Variants in BTD observed in about 807,000 individuals in gnomAD.
BTD encodes biotinidase.
In BTD, 13 loss-of-function variants were observed where a neutral mutation model predicts 17.7. The ratio of observed to expected loss-of-function variants is 0.74; its 90% CI spans 0.48 to 1.17. The LOEUF (loss-of-function observed/expected upper bound fraction) is 1.17, where lower values mean the gene tolerates loss of function less well. Among genes scored for constraint, BTD ranks in the 50% most tolerant of loss-of-function variants. BTD has a pLI of 0.00. For missense variants in BTD, 674 were observed against 650.4 expected, an observed-to-expected ratio of 1.04 and a Z score of -0.39; for synonymous variants, 240 against 245.2, an observed-to-expected ratio of 0.98 and a Z score of 0.20.
At chr3:15,626,006 A>G (rs1433767301) in intron 1 of BTD, among the ~76,000 whole-genome samples, 2 of 152,028 alleles carry the variant, frequency 1.3e-5, no homozygotes, top group Non-Finnish European at 2.9e-5. Flanking sequence ...TAATTTGTCA[A>G]TCTGTTTCTT....
intron 1 of BTD, among the ~76,000 whole-genome samples, chr3:15,618,374 G>A (rs4478067): frequency 0.043 from 6,562 of 152,200 alleles, 404 homozygotes; most frequent in African/African-American, 0.14. Flanking sequence ...ACATCTTAAC[G>A]ATATTGAGTC....
intron 3 of BTD, chr3:15,677,141 T>C: frequency 9.3e-7 from 1 of 1,078,724 alleles, no homozygotes; most frequent in Non-Finnish European, 1.4e-6. Context: ...TCCTAGTCCA[T>C]ATATTATGTA....
chr3:15,658,097 G>A (rs970963304), downstream of BTD, among the ~76,000 whole-genome samples: 1 of 151,784 alleles, frequency 6.6e-6, no homozygotes, highest in Admixed American at 6.6e-5. Context: ...GAACCGGGGA[G>A]GTGGAGGTTG....
At chr3:15,654,777 C>G (rs1196145276), downstream of BTD, among the ~76,000 whole-genome samples, 1 of 151,362 alleles carries the variant, frequency 6.6e-6, no homozygotes, top group Non-Finnish European at 1.5e-5. Flanking sequence ...ACTTGTTGCC[C>G]AAGCTGGAGT....
chr3:15,698,993 C>T (rs1184195973), intron 3 of BTD, among the ~76,000 whole-genome samples: 1 of 152,170 alleles, frequency 6.6e-6, no homozygotes, highest in African/African-American at 2.4e-5. Context: ...TCAAACTACA[C>T]TACAAGGCTA....
chr3:15,699,738 G>T (rs529410866), intron 3 of BTD, among the ~76,000 whole-genome samples: 1 of 152,332 alleles, frequency 6.6e-6, no homozygotes, highest in South Asian at 2.1e-4. Context: ...GGAAACAACA[G>T]ATGCTGGAGA....
chr3:15,681,214 T>C (rs1401991370), intron 3 of BTD, among the ~76,000 whole-genome samples: 1 of 152,212 alleles, frequency 6.6e-6, no homozygotes, highest in African/African-American at 2.4e-5. Context: ...TAATTCAATG[T>C]AAATGCTATA....
chr3:15,695,093 C>G (rs757155029), intron 3 of BTD: 245 of 1,032,728 alleles, frequency 2.4e-4, no homozygotes, highest in Non-Finnish European at 3.3e-4. Flanking sequence ...TATGTAAAAA[C>G]ACTTTCAGCT....
chr3:15,657,250 A>G (rs1279742312), downstream of BTD, among the ~76,000 whole-genome samples: 2 of 152,214 alleles, frequency 1.3e-5, no homozygotes, highest in Non-Finnish European at 2.9e-5. Flanking sequence ...TTCTAGATTC[A>G]AGGAGAGGAA....
At chr3:15,609,881 TA>T (rs1301831116) in intron 1 of BTD, among the ~76,000 whole-genome samples, 1 of 152,058 alleles carries the variant, frequency 6.6e-6, no homozygotes, top group Non-Finnish European at 1.5e-5. Flanking sequence ...TGGTCTTCCT[TA>T]TTTTTTTTTT....
chr3:15,617,455 T>C (rs2064827829), intron 1 of BTD, among the ~76,000 whole-genome samples: 1 of 152,174 alleles, frequency 6.6e-6, no homozygotes, highest in Admixed American at 6.5e-5. Context: ...TTGTGAAGGG[T>C]ATAAGATCTT....
intron 3 of BTD, among the ~76,000 whole-genome samples, chr3:15,693,325 G>A (rs982804174): frequency 2.3e-4 from 35 of 151,326 alleles, no homozygotes; most frequent in Non-Finnish European, 4.9e-4. Flanking sequence ...GTAATGGGGG[G>A]GCAGAGAGAG....
chr3:15,676,059 G>C, intron 3 of BTD: 1 of 1,297,872 alleles, frequency 7.7e-7, no homozygotes, highest in Non-Finnish European at 1.1e-6. Context: ...ACACCTGGCT[G>C]TCAAAGAGCA....
chr3:15,622,312 G>A (rs1353799313), intron 1 of BTD, among the ~76,000 whole-genome samples: 1 of 151,994 alleles, frequency 6.6e-6, no homozygotes, highest in African/African-American at 2.4e-5. Flanking sequence ...TGACCCATTT[G>A]TTATTTAAAA....
chr3:15,678,618 A>T (rs1427601944), intron 3 of BTD, among the ~76,000 whole-genome samples: 2 of 152,200 alleles, frequency 1.3e-5, no homozygotes, highest in African/African-American at 4.8e-5. Flanking sequence ...ATAACATTAC[A>T]TCATTAAAGG....
At chr3:15,616,672 C>T (rs2064801163) in intron 1 of BTD, among the ~76,000 whole-genome samples, 1 of 151,920 alleles carries the variant, frequency 6.6e-6, no homozygotes, top group East Asian at 1.9e-4. Flanking sequence ...TTAGTCTTGT[C>T]AGTGTTTTGG....
intron 3 of BTD, among the ~76,000 whole-genome samples, chr3:15,686,710 C>A (rs1265021935): frequency 2.0e-5 from 3 of 152,214 alleles, no homozygotes; most frequent in Admixed American, 6.5e-5. Context: ...AGGTGAGCAG[C>A]ACAGGAACCA....
At chr3:15,659,648 T>C (rs1222808973) in intron 3 of BTD, among the ~76,000 whole-genome samples, 1 of 152,220 alleles carries the variant, frequency 6.6e-6, no homozygotes, top group Non-Finnish European at 1.5e-5. Flanking sequence ...CGTTTCCTTA[T>C]CATTAACGAC....
intron 2 of BTD, among the ~76,000 whole-genome samples, chr3:15,637,540 A>G (rs2065383264): frequency 6.6e-6 from 1 of 152,152 alleles, no homozygotes; most frequent in Admixed American, 6.5e-5. Flanking sequence ...AGGGATCTTT[A>G]CTGACATCCC....
Sources: allele counts gnomAD v4.1 joint callset (sites outside exome capture counted in the v4.1 genomes callset), GRCh38; gene constraint gnomAD v4.1.1; transcripts MANE v1.5; gene names NCBI Gene and HGNC (gene_info 2026-07-23, HGNC 2026-07-21).